PPP2R3A: variants seen among roughly 807,000 people sequenced by gnomAD.
PPP2R3A encodes serine/threonine-protein phosphatase 2A regulatory subunit B'' subunit alpha.
Under a neutral mutation model 106.9 loss-of-function variants are expected in PPP2R3A, and 80 were observed. That is an observed-to-expected ratio of 0.75 (90% CI 0.62 to 0.90). The LOEUF (loss-of-function observed/expected upper bound fraction) is 0.90. PPP2R3A is among the 40% of genes least tolerant of loss of function. PPP2R3A has a pLI of 0.00. For missense variants in PPP2R3A, 1,386 were observed against 1,350.4 expected (o/e 1.03, Z -0.41); for synonymous variants, 483 against 468.3 (o/e 1.03, Z -0.41).
At chr3:136,016,979 A>G (rs1285966178) in intron 2 of PPP2R3A, among the ~76,000 whole-genome samples, 1 of 152,078 alleles carries the variant, frequency 6.6e-6, no homozygotes, top group Non-Finnish European at 1.5e-5. Flanking sequence ...AAGATTTAGA[A>G]CTTGTTTTAG....
At chr3:135,974,309 A>G (rs1937332820) in intron 1 of PPP2R3A, among the ~76,000 whole-genome samples, 1 of 152,156 alleles carries the variant, frequency 6.6e-6, no homozygotes, top group Non-Finnish European at 1.5e-5. Context: ...TCTATACACC[A>G]ACAACTACAT....
chr3:136,129,652 T>C (rs1295307947), intron 13 of PPP2R3A, among the ~76,000 whole-genome samples: 17 of 152,116 alleles, frequency 1.1e-4, no homozygotes, highest in African/African-American at 2.4e-5. Flanking sequence ...AGGGAATCCT[T>C]TCTAACTCAT....
chr3:136,096,798 A>G (rs1937225996), intron 10 of PPP2R3A, among the ~76,000 whole-genome samples: 1 of 152,318 alleles, frequency 6.6e-6, no homozygotes, highest in Admixed American at 6.5e-5. Context: ...ATTCAGTCCA[A>G]GGAAAGGACA....
intron 2 of PPP2R3A, among the ~76,000 whole-genome samples, chr3:136,014,541 C>T (rs770529901): frequency 8.6e-5 from 13 of 151,894 alleles, no homozygotes; most frequent in Non-Finnish European, 1.5e-4. Context: ...TTCACCTCCT[C>T]GGTTAGGTAT....
At chr3:135,986,042 G>T (rs60707425) in intron 1 of PPP2R3A, among the ~76,000 whole-genome samples, 1,669 of 152,164 alleles carry the variant, frequency 0.011, 27 homozygotes, top group African/African-American at 0.037. Context: ...TGGAAGCAGC[G>T]GTGAGGAACA....
chr3:136,022,204 T>A (rs985106632), intron 2 of PPP2R3A, among the ~76,000 whole-genome samples: 1 of 152,168 alleles, frequency 6.6e-6, no homozygotes, highest in African/African-American at 2.4e-5. Flanking sequence ...GTCCTTTTTT[T>A]AGCCAAATTT....
intron 5 of PPP2R3A, among the ~76,000 whole-genome samples, chr3:136,064,757 T>TTTAAC (rs1936205590): frequency 6.6e-6 from 1 of 152,212 alleles, no homozygotes; most frequent in Non-Finnish European, 1.5e-5. Context: ...TTAACCTCAA[T>TTTAAC]GTCAGAAACA....
intron 9 of PPP2R3A, among the ~76,000 whole-genome samples, chr3:136,090,098 C>T (rs1388209457): frequency 6.6e-6 from 1 of 152,120 alleles, no homozygotes; most frequent in Non-Finnish European, 1.5e-5. Context: ...TTATTTCTTT[C>T]TCTTGCTTGA....
chr3:136,054,291 G>T (rs538499340), intron 5 of PPP2R3A, among the ~76,000 whole-genome samples: 120 of 115,776 alleles, frequency 1.0e-3, no homozygotes, highest in Middle Eastern at 7.5e-3. Flanking sequence ...TTGGAGGCTC[G>T]CCCTGTCGCC....
At chr3:136,143,558 G>C (rs1938965685) in intron 13 of PPP2R3A, among the ~76,000 whole-genome samples, 1 of 152,040 alleles carries the variant, frequency 6.6e-6, no homozygotes, top group South Asian at 2.1e-4. Flanking sequence ...GGGAGGCCGA[G>C]ACAGGTGGAT....
At chr3:136,139,529 C>T (rs950040445) in intron 13 of PPP2R3A, among the ~76,000 whole-genome samples, 1 of 151,844 alleles carries the variant, frequency 6.6e-6, no homozygotes, top group African/African-American at 2.4e-5. Context: ...CCCATCTCTA[C>T]TAAAAATACA....
intron 6 of PPP2R3A, among the ~76,000 whole-genome samples, chr3:136,073,678 T>C (rs1559904098): frequency 6.6e-6 from 1 of 152,232 alleles, no homozygotes; most frequent in Non-Finnish European, 1.5e-5. Context: ...ACTGCCATTG[T>C]GATAAACTCA....
chr3:136,135,095 T>C (rs1439497904), intron 13 of PPP2R3A, among the ~76,000 whole-genome samples: 1 of 142,204 alleles, frequency 7.0e-6, no homozygotes, highest in African/African-American at 3.1e-5. Context: ...AACGTGCCAG[T>C]GGAAGGAAGA....
intron 13 of PPP2R3A, among the ~76,000 whole-genome samples, chr3:136,112,848 T>G (rs1937615801): frequency 6.6e-6 from 1 of 152,134 alleles, no homozygotes; most frequent in African/African-American, 2.4e-5. Context: ...AAAATTCATA[T>G]GAAGCTGGGC....
At chr3:135,991,666 A>G (rs892329877) in intron 1 of PPP2R3A, among the ~76,000 whole-genome samples, 7 of 152,144 alleles carry the variant, frequency 4.6e-5, no homozygotes, top group African/African-American at 1.7e-4. Context: ...TGCTTTTCTC[A>G]TGTTCCCTAG....
chr3:136,091,819 T>C (rs989119271), intron 10 of PPP2R3A, among the ~76,000 whole-genome samples: 14 of 152,152 alleles, frequency 9.2e-5, no homozygotes, highest in African/African-American at 3.1e-4. Flanking sequence ...TATTAAAAGT[T>C]CATATATATG....
In PPP2R3A at chr3:136,070,520, G is replaced by A. The variant is rs1285278072; in HGVS notation, c.2512G>A (p.Ala838Thr). ...CCCTGGTCTCACGTTCCTGAAAGAT[G>A]CTCCAGAATTCCACTCCCGCTACAT... is the stretch of plus-strand genomic sequence containing the variant. ...THPGLTFLKD[A>T]PEFHSRYITT... The change falls in exon 6 of 14, where the codon GCT (alanine) becomes ACT (threonine). Residue 838 changes from alanine (A) to threonine (T), a missense_variant. Transcript: ENST00000264977. 1.9e-6 allele frequency: 3 copies of A among 1,611,030 alleles called. No homozygotes were observed. Among genetic ancestry groups the A allele is most frequent in the African/African-American group, 1.3e-5 (1 of 74,732 alleles).
chr3:136,132,728 G>T (rs1938472978), intron 13 of PPP2R3A, among the ~76,000 whole-genome samples: 1 of 151,838 alleles, frequency 6.6e-6, no homozygotes, highest in African/African-American at 2.4e-5. Context: ...AATCCCGGCA[G>T]ACTTTTGGTG....
intron 12 of PPP2R3A, among the ~76,000 whole-genome samples, chr3:136,104,800 A>G (rs1937474372): frequency 6.6e-6 from 1 of 152,234 alleles, no homozygotes; most frequent in Admixed American, 6.5e-5. Flanking sequence ...CCCTAGGGCA[A>G]TACTAACTCA....
Sources: gnomAD v4.1 joint callset for allele counts (sites outside exome capture counted in the v4.1 genomes callset) on GRCh38, gnomAD v4.1.1 for gene constraint, MANE v1.5 for transcripts, NCBI Gene and HGNC (gene_info 2026-07-23, HGNC 2026-07-21) for gene names.